The following TNS3 variants were observed in gnomAD, a reference collection of about 807,000 sequenced individuals.
TNS3 encodes tensin 3, also known as tensin-3.
A neutral mutation model predicts 140.9 loss-of-function variants in TNS3; 45 were observed. The observed-to-expected ratio is 0.32, with a 90% CI of 0.25 to 0.41. The LOEUF is 0.41. Ranked by LOEUF, TNS3 falls within the 10% of genes least tolerant of loss-of-function variation. The pLI, the probability that TNS3 is intolerant of heterozygous loss-of-function variation, is 1.00. For synonymous variants in TNS3, 815 were observed against 788.4 expected, an observed-to-expected ratio of 1.03 and a Z score of -0.56; for missense variants, 1,716 against 1,906.7, an observed-to-expected ratio of 0.90 and a Z score of 1.86.
chr7:47,321,168 C>T (rs553901654), intron 20 of TNS3, among the ~76,000 whole-genome samples: 25 of 152,370 alleles, frequency 1.6e-4, no homozygotes, highest in Admixed American at 5.9e-4. Context: ...CGGCTTCACC[C>T]GCCTTCCTTC....
intron 16 of TNS3, among the ~76,000 whole-genome samples, chr7:47,383,824 G>A (rs893678290): frequency 6.6e-6 from 1 of 152,120 alleles, no homozygotes; most frequent in Non-Finnish European, 1.5e-5. Flanking sequence ...GTGATCACAT[G>A]CTGCACCCTC....
intron 4 of TNS3, among the ~76,000 whole-genome samples, chr7:47,450,122 C>T (rs1795948240): frequency 6.6e-6 from 1 of 152,196 alleles, no homozygotes; most frequent in Non-Finnish European, 1.5e-5. Flanking sequence ...ACCACTAATC[C>T]CAAAGTGGCT....
chr7:47,486,502 A>C (rs1405519595), intron 3 of TNS3, among the ~76,000 whole-genome samples: 2 of 152,160 alleles, frequency 1.3e-5, no homozygotes, highest in African/African-American at 4.8e-5. Flanking sequence ...TAACAAGTAC[A>C]TTCTGCCTTA....
At position 47,554,928 on chromosome 7, in the gene TNS3, G is replaced by A. The variant is rs896808463; in HGVS notation, c.-264-25781C>T. The stretch of plus-strand genomic sequence containing the variant: ...CTGTAATCCCAGCTACTCAGGAGGC[G>A]GAGGCAGGAGGATCGCTTGAACCCG... On this transcript the variant is annotated intron_variant, in intron 1 of 30. Transcript: ENST00000311160. 1.3e-4 allele frequency among the ~76,000 whole-genome samples: 19 copies of A among 151,172 alleles called. 1 individual carries two copies. Among genetic ancestry groups the A allele is most frequent in the South Asian group, 4.2e-4 (2 of 4,764 alleles).
At chr7:47,564,473 T>TA (rs917337462) in intron 1 of TNS3, among the ~76,000 whole-genome samples, 2 of 151,138 alleles carry the variant, frequency 1.3e-5, no homozygotes, top group African/African-American at 4.9e-5. Flanking sequence ...CCATCTCTAC[T>TA]AAAAATACAA....
chr7:47,329,036 A>AC lies in TNS3; in HGVS notation c.2650+15718dup, dbSNP rs554455059. Among the ~76,000 whole-genome samples the AC allele has an allele frequency of 1.2e-4, 18 of 152,096 alleles. No homozygotes were observed. The South Asian group carries it at 3.7e-3, about 32-fold the overall frequency. ...CATTCTACAAAGCCCTTTTCAAGTG[A>AC]CCCCACATTTTTTTCAGCATTTGGA... On this transcript the variant is annotated intron_variant, in intron 20 of 30. Transcript: ENST00000311160.
At chr7:47,417,550 TCCCA>T (rs1794148585) in intron 10 of TNS3, among the ~76,000 whole-genome samples, 1 of 152,208 alleles carries the variant, frequency 6.6e-6, no homozygotes, top group Admixed American at 6.5e-5. Context: ...AGTCATCACC[TCCCA>T]GGTCAGTCTA....
chr7:47,533,123 A>ATAT (rs1186427934), intron 1 of TNS3, among the ~76,000 whole-genome samples: 9 of 88,822 alleles, frequency 1.0e-4, no homozygotes, highest in African/African-American at 1.9e-4. Flanking sequence ...ATATATATAT[A>ATAT]TTTTTTTTTT....
intron 24 of TNS3, among the ~76,000 whole-genome samples, chr7:47,295,727 T>C (rs1484896619): frequency 6.6e-6 from 1 of 152,048 alleles, no homozygotes; most frequent in Non-Finnish European, 1.5e-5. Flanking sequence ...TCTCACACCA[T>C]TACCTGTGCC....
At position 47,443,142 on chromosome 7, in the gene TNS3, C is replaced by T. The variant is rs550165735; in HGVS notation, c.-75-1087G>A. 3.7e-4 allele frequency among the ~76,000 whole-genome samples: 57 copies of T among 152,270 alleles called. No individual in the cohort carries two copies. In the South Asian group the frequency reaches 8.3e-3, roughly 22 times the overall value. ...CCGGTGAGCTCAGCCCTGGGTCCAC[C>T]TCCTCATTGTTTTTCCCGGGAAAGC... On this transcript the variant is annotated intron_variant, in intron 4 of 30. Transcript: ENST00000311160.
At chr7:47,543,770 A>G (rs1050487317) in intron 1 of TNS3, among the ~76,000 whole-genome samples, 2 of 152,192 alleles carry the variant, frequency 1.3e-5, no homozygotes, top group Non-Finnish European at 2.9e-5. Flanking sequence ...TTGGCTACAA[A>G]GTTCCCGGGC....
chr7:47,368,737 T>A lies in TNS3; in HGVS notation c.1909A>T (p.Thr637Ser), dbSNP rs775771056. The change falls in exon 17 of 31, where the codon ACC becomes TCC. Residue 637 changes from threonine to serine, a missense_variant. Coordinates refer to ENST00000311160, the MANE Select transcript of TNS3 (RefSeq NM_022748.12). ...PRVPLTPTRG[T>S]SSRVAVQRGV... The stretch of plus-strand genomic sequence containing the variant: ...CTCTGGACAGCCACCCTACTGCTGG[T>A]CCCTCGGGTGGGGGTGAGTGGCACT... 1 of 1,579,494 alleles carries A rather than the reference T, an allele frequency of 6.3e-7. No homozygotes were observed. Among genetic ancestry groups the A allele is most frequent in the Admixed American group, 1.7e-5 (1 of 57,968 alleles).
At chr7:47,546,973 T>G (rs1432049668) in intron 1 of TNS3, among the ~76,000 whole-genome samples, 4 of 152,240 alleles carry the variant, frequency 2.6e-5, no homozygotes, top group Non-Finnish European at 5.9e-5. Flanking sequence ...AGTCACGCCC[T>G]GGGCTGGGCC....
At chr7:47,379,240 A>G (rs1200874981) in intron 16 of TNS3, among the ~76,000 whole-genome samples, 1 of 152,164 alleles carries the variant, frequency 6.6e-6, no homozygotes, top group Admixed American at 6.5e-5. Flanking sequence ...TCAGGAAGCG[A>G]TATCTGAGCC....
chr7:47,451,401 G>A (rs1432857752), intron 4 of TNS3, among the ~76,000 whole-genome samples: 4 of 152,164 alleles, frequency 2.6e-5, no homozygotes, highest in Non-Finnish European at 4.4e-5. Flanking sequence ...CCAACATGGC[G>A]AAATCCTGTC....
intron 3 of TNS3, among the ~76,000 whole-genome samples, chr7:47,495,182 C>T (rs1797958612): frequency 8.6e-6 from 1 of 116,056 alleles, no homozygotes; most frequent in African/African-American, 3.3e-5. Flanking sequence ...CAGAGCCAGA[C>T]TCCGTCTCAA....
intron 6 of TNS3, among the ~76,000 whole-genome samples, chr7:47,438,404 G>A (rs900260792): frequency 3.3e-5 from 5 of 152,146 alleles, no homozygotes; most frequent in East Asian, 1.9e-4. Context: ...CTCAGGATGC[G>A]CTGACCAGCC....
chr7:47,312,028 T>G (rs939682594), intron 20 of TNS3, among the ~76,000 whole-genome samples: 7 of 152,238 alleles, frequency 4.6e-5, no homozygotes, highest in African/African-American at 1.2e-4. Flanking sequence ...ATGTTCTGTT[T>G]GTATGAACAT....
At position 47,304,667 on chromosome 7, in the gene TNS3, G is replaced by A. The variant is rs150698204; in HGVS notation, c.2822+165C>T. 1.5e-4 allele frequency among the ~76,000 whole-genome samples: 23 copies of A among 152,152 alleles called. No individual in the cohort carries two copies. The East Asian group carries it at 4.1e-3, about 27-fold the overall frequency. ...ACCTGTCCCCGGCGGTAGCAGTGTC[G>A]TGCACACAGCCCTGGTCCCCTGCCC... On this transcript the variant is annotated intron_variant, in intron 21 of 30. Transcript: ENST00000311160.
Sources: gnomAD v4.1 joint callset for allele counts (sites outside exome capture counted in the v4.1 genomes callset) on GRCh38, gnomAD v4.1.1 for gene constraint, MANE v1.5 for transcripts, NCBI Gene and HGNC (gene_info 2026-07-23, HGNC 2026-07-21) for gene names.